Variants in MON2 observed in about 807,000 individuals in gnomAD.
MON2 encodes protein MON2 homolog.
A neutral mutation model predicts 208.6 loss-of-function variants in MON2; 84 were observed. That is an observed-to-expected ratio of 0.40 (90% CI 0.34 to 0.48). The LOEUF is 0.48. Ranked by LOEUF, MON2 falls within the 20% of genes least tolerant of loss-of-function variation. MON2 has a pLI of 0.59. For synonymous variants in MON2, 660 were observed against 694.0 expected (o/e 0.95, Z 0.77); for missense variants, 1,611 against 2,015.4 (o/e 0.80, Z 3.84).
rs190457070 is a variant in MON2 at position 62,524,810 on chromosome 12, G to A, written c.1109+171G>A. Among the ~76,000 whole-genome samples the A allele has an allele frequency of 1.6e-4, 24 of 152,236 alleles. 1 individual carries two copies. The highest frequency in any genetic ancestry group is 1.2e-3 in the East Asian group (6 of 5,186). On this transcript the variant is annotated intron_variant, in intron 9 of 34. Transcript: ENST00000393630. ...TTGTATCTATAAGGACGGGTAGGGC[G>A]TGTAGATGTGGAAAAGAACTGTGAG...
Position 62,592,651 on chromosome 12 carries a change from T to A in MON2, c.5056T>A (p.Ser1686Thr), listed in dbSNP as rs970321374. The change falls in exon 35 of 35, where the codon TCT becomes ACT. Residue 1686 changes from serine (S) to threonine (T), a missense_variant. Coordinates refer to ENST00000393630, the MANE Select transcript of MON2 (RefSeq NM_015026.3). The stretch of plus-strand genomic sequence containing the variant: ...AACTTTAGTAGAATGCATCACCTGT[T>A]CTTCTTCAGAAGTCTGTTCTGCACT... ...YPTLVECITCSSSEVCSALKE... is the reference protein window; with the variant it reads ...YPTLVECITCTSSEVCSALKE... 1 of 1,612,280 alleles carries A rather than the reference T, an allele frequency of 6.2e-7. No homozygotes were observed. Among genetic ancestry groups the A allele is most frequent in the South Asian group, 1.1e-5 (1 of 90,916 alleles).
Position 62,492,547 on chromosome 12 carries a change from A to G in MON2, c.176-1368A>G, listed in dbSNP as rs187084455. Among the ~76,000 whole-genome samples the G allele has an allele frequency of 7.8e-3, 1,159 of 148,798 alleles. 10 individuals are homozygous for G. The highest frequency in any genetic ancestry group is 0.027 in the African/African-American group (1,103 of 40,958). On this transcript the variant is annotated intron_variant, in intron 2 of 34. Transcript: ENST00000393630. ...CCACCGCGCCCGACTAATTTTTTGTATTTTTAGTAGAGATGGGGTTTCACC... is the reference window on the plus strand; with the variant it reads ...CCACCGCGCCCGACTAATTTTTTGTGTTTTTAGTAGAGATGGGGTTTCACC...
intron 30 of MON2, among the ~76,000 whole-genome samples, chr12:62,572,368 G>A (rs1388608193): frequency 6.6e-6 from 1 of 152,188 alleles, no homozygotes; most frequent in Non-Finnish European, 1.5e-5. Flanking sequence ...TTTACTAAAT[G>A]TGGACTTGTC....
At chr12:62,554,796 A>G (rs973058542) in intron 24 of MON2, among the ~76,000 whole-genome samples, 6 of 151,872 alleles carry the variant, frequency 4.0e-5, no homozygotes, top group African/African-American at 1.5e-4. Context: ...ATCTCCAGTA[A>G]TTCTACTTTT....
At chr12:62,531,404 T>C (rs1428202451) in intron 11 of MON2, among the ~76,000 whole-genome samples, 3 of 152,190 alleles carry the variant, frequency 2.0e-5, no homozygotes, top group Non-Finnish European at 2.9e-5. Flanking sequence ...GCATATGGTG[T>C]GAGATAGGAC....
chr12:62,589,938 A>G lies in MON2; in HGVS notation c.4990+1782A>G, dbSNP rs561802586. Among the ~76,000 whole-genome samples the G allele has an allele frequency of 2.6e-5, 4 of 152,274 alleles. No homozygotes were observed. In the East Asian group the frequency reaches 7.7e-4, roughly 29 times the overall value. On this transcript the variant is annotated intron_variant, in intron 34 of 34. Coordinates refer to ENST00000393630, the MANE Select transcript of MON2 (RefSeq NM_015026.3). ...ATGTCTCTGGGTCTATGAAGTGAAAATTTAAATTGAATGTAAACATATAAG... is the reference window on the plus strand; with the variant it reads ...ATGTCTCTGGGTCTATGAAGTGAAAGTTTAAATTGAATGTAAACATATAAG...
At chr12:62,524,748 C>T (rs2072247130) in intron 9 of MON2, 109 bp downstream of exon 9, 2 of 1,072,330 alleles carry the variant, frequency 1.9e-6, no homozygotes, top group Non-Finnish European at 2.7e-6. Context: ...GTATTTATTC[C>T]CAATATTAGT....
At chr12:62,489,482 C>T (rs956346452) in intron 2 of MON2, among the ~76,000 whole-genome samples, 8 of 151,898 alleles carry the variant, frequency 5.3e-5, no homozygotes, top group African/African-American at 1.9e-4. Flanking sequence ...TTTTCTAGGC[C>T]ATTTACCTTT....
Position 62,497,051 on chromosome 12 carries a change from G to T in MON2, c.436-1868G>T, listed in dbSNP as rs935915108. Among the ~76,000 whole-genome samples, 29 of 141,260 alleles carry T rather than the reference G, an allele frequency of 2.1e-4. 1 individual carries two copies. The highest frequency in any genetic ancestry group is 4.6e-5 in the Non-Finnish European group (3 of 65,476). The allele number at this position is 141,260 out of a possible 152,430, so 92.7% of individuals were successfully genotyped here. On this transcript the variant is annotated intron_variant, in intron 4 of 34. Transcript: ENST00000393630. ...AAATCATCATTCTCAGTAAACTATCGCAAGAACAAAAAACCAAACACCGCA... is the reference window on the plus strand; with the variant it reads ...AAATCATCATTCTCAGTAAACTATCTCAAGAACAAAAAACCAAACACCGCA...
At chr12:62,483,188 A>C (rs560135024) in intron 1 of MON2, among the ~76,000 whole-genome samples, 1 of 152,326 alleles carries the variant, frequency 6.6e-6, no homozygotes, top group South Asian at 2.1e-4. Flanking sequence ...TTCAAAACCT[A>C]GTATATATTT....
At position 62,537,183 on chromosome 12, in the gene MON2, A is replaced by G. The variant is rs1384584362; in HGVS notation, c.1933A>G (p.Ile645Val). The G allele has an allele frequency of 6.2e-7, 1 of 1,613,008 alleles. No individual in the cohort carries two copies. The highest frequency in any genetic ancestry group is 1.3e-5 in the African/African-American group (1 of 74,906). Residue 645 changes from isoleucine (I) to valine (V), a missense_variant, in exon 15 of 35, where the codon ATA becomes GTA. By Grantham distance (29) the Ile-to-Val change is conservative. Transcript: ENST00000393630. ...CGTTCAGGGCCAAAGTGTTATGATGATAAGTCCATCAAGTGAATCTCACCA... is the reference window on the plus strand; with the variant it reads ...CGTTCAGGGCCAAAGTGTTATGATGGTAAGTCCATCAAGTGAATCTCACCA... ...YSVQGQSVMM[I>V]SPSSESHQQV...
At chr12:62,543,621 T>C (rs1206118246) in intron 20 of MON2, among the ~76,000 whole-genome samples, 3 of 152,106 alleles carry the variant, frequency 2.0e-5, no homozygotes, top group Non-Finnish European at 2.9e-5. Context: ...CTCTCTCTCT[T>C]TTTTGAGACG....
At chr12:62,484,890 T>A (rs1432419856) in intron 2 of MON2, 1 of 150,964 alleles carries the variant, frequency 6.6e-6, no homozygotes, top group Non-Finnish European at 1.5e-5. Flanking sequence ...GCCTCAATAA[T>A]GAACATGGAA....
intron 30 of MON2, among the ~76,000 whole-genome samples, chr12:62,577,858 T>A (rs949838230): frequency 1.3e-5 from 2 of 152,188 alleles, no homozygotes; most frequent in South Asian, 2.1e-4. Flanking sequence ...TTCACTCTTA[T>A]GAGCCACAGA....
At chr12:62,565,629 T>A (rs1018028205) in intron 27 of MON2, among the ~76,000 whole-genome samples, 2 of 152,204 alleles carry the variant, frequency 1.3e-5, no homozygotes, top group African/African-American at 4.8e-5. Flanking sequence ...CCTTTCATAT[T>A]ACTCTCCAGT....
chr12:62,588,001 A>T lies in MON2; in HGVS notation c.4908-73A>T, dbSNP rs1433836548. 9.9e-6 allele frequency: 9 copies of T among 913,516 alleles called. No individual in the cohort carries two copies. In the Admixed American group the frequency reaches 1.5e-4, roughly 16 times the overall value. 56.6% of individuals were successfully genotyped at this position (913,516 alleles called of 1,614,324 possible). A position where few individuals can be genotyped will look rare whatever the true frequency, so the allele number is the denominator to read the frequency against. ...TTCAAAAGTTCATCTATTTGTACAA[A>T]CTTAGTTTAAAAAACAAACATACCT... On this transcript the variant is annotated intron_variant, in intron 33 of 34. Transcript: ENST00000393630.
intron 1 of MON2, among the ~76,000 whole-genome samples, chr12:62,475,499 A>G (rs533022602): frequency 6.6e-5 from 10 of 152,066 alleles, no homozygotes; most frequent in East Asian, 3.9e-4. Context: ...TTAATCTTCA[A>G]CAAGTATCTA....
At chr12:62,539,026 ATTTC>A (rs1319969881) in intron 19 of MON2, among the ~76,000 whole-genome samples, 2 of 152,244 alleles carry the variant, frequency 1.3e-5, no homozygotes, top group East Asian at 3.9e-4. Context: ...ATTCAAGAAC[ATTTC>A]TTTCTATACT....
intron 22 of MON2, 98 bp from the exon 23 acceptor site, chr12:62,549,570 C>T: frequency 9.3e-7 from 1 of 1,072,464 alleles, no homozygotes; most frequent in Non-Finnish European, 1.3e-6. Flanking sequence ...CATGATCGCA[C>T]CACTGCACTC....
Sources: allele counts gnomAD v4.1 joint callset (sites outside exome capture counted in the v4.1 genomes callset), GRCh38; gene constraint gnomAD v4.1.1; transcripts MANE v1.5; gene names NCBI Gene and HGNC (gene_info 2026-07-23, HGNC 2026-07-21).